MYL4: variants seen among roughly 807,000 people sequenced by gnomAD.
The protein encoded by MYL4 is atrial myosin light chain 1.
Under a neutral mutation model 21.6 loss-of-function variants are expected in MYL4, and 16 were observed. The ratio of observed to expected loss-of-function variants is 0.74; its 90% CI spans 0.50 to 1.12. The LOEUF (loss-of-function observed/expected upper bound fraction) is 1.12, where lower values mean the gene tolerates loss of function less well. MYL4 is among the 50% of genes most tolerant of loss of function. MYL4 has a pLI of 0.00. For synonymous variants in MYL4, 82 were observed against 95.7 expected, an observed-to-expected ratio of 0.86 and a Z score of 0.83; for missense variants, 249 against 252.9, an observed-to-expected ratio of 0.98 and a Z score of 0.11.
chr17:47,222,435 C>T lies in MYL4; in HGVS notation c.543C>T (p.Ala181=). The T allele has an allele frequency of 4.3e-6, 7 of 1,614,096 alleles. No individual in the cohort carries two copies. Among genetic ancestry groups the T allele is most frequent in the Non-Finnish European group, 5.9e-6 (7 of 1,180,002 alleles). ...VEQLLAGQED[A]NGCINYEAFV... ...AGCTGTTAGCTGGGCAAGAGGATGC[C>T]AATGGCTGCATCAATTATGAAGGTA... The change falls in exon 5 of 7, where the codon GCC becomes GCT. Residue 181 remains alanine, a synonymous_variant. Transcript: ENST00000393450.
chr17:47,189,545 G>C, the MYL4 span: 1 of 337,180 alleles, frequency 3.0e-6, no homozygotes, highest in Non-Finnish European at 5.7e-6. Context: ...GTTGGGCTAC[G>C]CCAAATCTGC....
intron 5 of MYL4, 37 bp downstream of exon 5, chr17:47,222,494 G>A: frequency 6.2e-7 from 1 of 1,605,992 alleles, no homozygotes; most frequent in Non-Finnish European, 8.5e-7. Context: ...GGCAGCCAGG[G>A]ATGGTAGGAT....
upstream of MYL4, among the ~76,000 whole-genome samples, chr17:47,206,764 G>A (rs1168209890): frequency 6.6e-6 from 1 of 152,176 alleles, no homozygotes; most frequent in African/African-American, 2.4e-5. Context: ...CTGAGGCCCA[G>A]AGAGAGGAAG....
chr17:47,203,433 CT>C (rs1201120690), intron 1 of MYL4, among the ~76,000 whole-genome samples: 2 of 152,042 alleles, frequency 1.3e-5, no homozygotes, highest in Non-Finnish European at 2.9e-5. Context: ...CTTTTCAAAT[CT>C]ATTATGTGCT....
chr17:47,227,361 A>G (rs886988388), downstream of MYL4, among the ~76,000 whole-genome samples: 1 of 152,232 alleles, frequency 6.6e-6, no homozygotes, highest in Non-Finnish European at 1.5e-5. Flanking sequence ...AAGTGACTAA[A>G]TAAAGTTCAC....
upstream of MYL4, among the ~76,000 whole-genome samples, chr17:47,199,363 G>A (rs184947402): frequency 2.2e-4 from 33 of 151,404 alleles, 1 homozygote; most frequent in Non-Finnish European, 4.0e-4. Context: ...TGGGACTGGA[G>A]AGAGAGTTTT....
chr17:47,194,023 T>G, the MYL4 span, among the ~76,000 whole-genome samples: 1 of 152,270 alleles, frequency 6.6e-6, no homozygotes. Context: ...GTGCTGGGAT[T>G]ACAGGCGTAA....
chr17:47,209,473 A>G lies in MYL4; in HGVS notation c.51A>G (p.Pro17=), dbSNP rs1022914869. ...EPKKEAAKPA[P]APAPAPAPAP... is the part of the protein sequence containing the mutation. ...AGAAGGAGGCAGCCAAGCCAGCTCC[A>G]GCTCCAGCTCCAGCCCCTGCACCAG... is the stretch of plus-strand genomic sequence containing the variant. Residue 17 remains proline, a synonymous_variant, in exon 1 of 7, where the codon CCA becomes CCG. Coordinates refer to ENST00000393450, the MANE Select transcript of MYL4 (RefSeq NM_002476.2). 1 of 1,614,216 alleles carries G rather than the reference A, an allele frequency of 6.2e-7. No individual in the cohort carries two copies. Among genetic ancestry groups the G allele is most frequent in the Non-Finnish European group, 8.5e-7 (1 of 1,180,036 alleles).
At chr17:47,192,605 G>A in the MYL4 span, among the ~76,000 whole-genome samples, 31 of 151,916 alleles carry the variant, frequency 2.0e-4, no homozygotes, top group African/African-American at 6.8e-4. Context: ...AGCTGAGATC[G>A]GGCCACTGCA....
chr17:47,209,579 G>A, intron 1 of MYL4, 22 bp downstream of exon 1: 1 of 1,614,222 alleles, frequency 6.2e-7, no homozygotes, highest in Non-Finnish European at 8.5e-7. Context: ...TCAGCCATTG[G>A]GATAGAGGTG....
chr17:47,202,017 A>G (rs1183395214), intron 1 of MYL4, among the ~76,000 whole-genome samples: 2 of 152,018 alleles, frequency 1.3e-5, no homozygotes, highest in East Asian at 3.9e-4. Context: ...ATGGAGTCTC[A>G]TTCTGTCGCC....
At chr17:47,226,931 T>C (rs1447698701), downstream of MYL4, among the ~76,000 whole-genome samples, 1 of 152,216 alleles carries the variant, frequency 6.6e-6, no homozygotes, top group African/African-American at 2.4e-5. Flanking sequence ...CTCAGCTCAC[T>C]GCAACCTCCA....
Position 47,219,895 on chromosome 17 carries a change from T to C in MYL4, c.164-9T>C. ...GATTGGAAGGTATAGCTGGGTCTTC[T>C]CTCCACAGAGTTCAAAGAGGCCTTT... On this transcript the variant is annotated splice_polypyrimidine_tract_variant and intron_variant, in intron 2 of 6. Coordinates refer to ENST00000393450, the MANE Select transcript of MYL4 (RefSeq NM_002476.2). The C allele has an allele frequency of 2.5e-6, 4 of 1,614,190 alleles. No individual in the cohort carries two copies. Among genetic ancestry groups the C allele is most frequent in the Middle Eastern group, 1.6e-4 (1 of 6,062 alleles).
downstream of MYL4, among the ~76,000 whole-genome samples, chr17:47,225,149 T>A (rs1350486359): frequency 6.6e-5 from 10 of 152,138 alleles, no homozygotes; most frequent in Admixed American, 6.5e-4. Flanking sequence ...ATCTAAGAAT[T>A]CAGCCAAGGC....
In MYL4 at chr17:47,209,465, C is replaced by G. The variant is rs1449314027; in HGVS notation, c.43C>G (p.Pro15Ala). ...TGAGCCTAAGAAGGAGGCAGCCAAG[C>G]CAGCTCCAGCTCCAGCTCCAGCCCC... ...KPEPKKEAAKPAPAPAPAPAP... is the reference protein window; with the variant it reads ...KPEPKKEAAKAAPAPAPAPAP... The change falls in exon 1 of 7, where the codon CCA becomes GCA. Residue 15 changes from proline (P) to alanine (A), a missense_variant. By Grantham distance (27) the Pro-to-Ala change is conservative. Transcript: ENST00000393450. The G allele has an allele frequency of 4.3e-6, 7 of 1,614,096 alleles. No individual in the cohort carries two copies. Among genetic ancestry groups the G allele is most frequent in the Non-Finnish European group, 5.9e-6 (7 of 1,179,948 alleles).
downstream of MYL4, among the ~76,000 whole-genome samples, chr17:47,227,519 C>T (rs2064889908): frequency 6.6e-6 from 1 of 151,962 alleles, no homozygotes; most frequent in Admixed American, 6.6e-5. Flanking sequence ...TGTGCCTGTC[C>T]CTCCTGCCTC....
At chr17:47,224,044 ATTG>A (rs71138595), downstream of MYL4, among the ~76,000 whole-genome samples, 12,063 of 152,250 alleles carry the variant, frequency 0.079, 539 homozygotes, top group African/African-American at 0.1. Flanking sequence ...TTAAACAAAA[ATTG>A]TTGTAAAATA....
upstream of MYL4, among the ~76,000 whole-genome samples, chr17:47,204,724 C>T (rs979223170): frequency 9.0e-6 from 1 of 111,006 alleles, no homozygotes; most frequent in African/African-American, 3.8e-5. Flanking sequence ...AAGTGAGACC[C>T]TGTCTCGAAA....
intron 2 of MYL4, among the ~76,000 whole-genome samples, chr17:47,218,906 G>A (rs1385539097): frequency 6.6e-6 from 1 of 152,202 alleles, no homozygotes; most frequent in African/African-American, 2.4e-5. Flanking sequence ...TGCCTTCAAG[G>A]AGTCCAGTCC....
Sources: allele counts gnomAD v4.1 joint callset (sites outside exome capture counted in the v4.1 genomes callset), GRCh38; gene constraint gnomAD v4.1.1; transcripts MANE v1.5; gene names NCBI Gene and HGNC (gene_info 2026-07-23, HGNC 2026-07-21).